The following THAP8 variants were observed in gnomAD, a reference collection of about 807,000 sequenced individuals.
The protein encoded by THAP8 is THAP domain-containing protein 8.
THAP8 carries 24 observed loss-of-function variants against 25.0 expected under a neutral mutation model. That is an observed-to-expected ratio of 0.96 (90% confidence interval 0.69 to 1.35). The LOEUF is 1.35. Ranked by LOEUF, THAP8 falls within the 40% of genes most tolerant of loss-of-function variation. The pLI is 0.00. For synonymous variants in THAP8, 169 were observed against 157.6 expected (o/e 1.07, Z -0.54); for missense variants, 399 against 368.8 (o/e 1.08, Z -0.67).
rs766799036 is a variant in THAP8 at position 36,053,552 on chromosome 19, C to CAA, written c.83+581_83+582dup. 3.8e-3 allele frequency among the ~76,000 whole-genome samples: 225 copies of CAA among 58,832 alleles called. 2 individuals are homozygous for CAA. The highest frequency in any genetic ancestry group is 7.7e-3 in the East Asian group (21 of 2,726). The allele number at this position is 58,832 out of a possible 152,430, so 38.6% of individuals were successfully genotyped here. A position where few individuals can be genotyped will look rare whatever the true frequency, so the allele number is the denominator to read the frequency against. ...CCTGGGCGACAAAGCGATCTTGTCT[C>CAA]AAAAAAAAAAAAAAAAAAAAGCAAA... On this transcript the variant is annotated intron_variant, in intron 1 of 3. Coordinates refer to ENST00000292894, the MANE Select transcript of THAP8 (RefSeq NM_152658.3).
In THAP8 at chr19:36,039,384, A is replaced by G; in HGVS notation, c.611T>C (p.Leu204Pro). The G allele has an allele frequency of 1.3e-6, 2 of 1,541,030 alleles. No homozygotes were observed. The highest frequency in any genetic ancestry group is 1.7e-6 in the Non-Finnish European group (2 of 1,147,264). Residue 204 changes from leucine to proline, a missense_variant, in exon 3 of 4, where the codon CTG (leucine) becomes CCG (proline). Leu to Pro is a moderately conservative substitution (Grantham distance 98). Transcript: ENST00000292894. The stretch of plus-strand genomic sequence containing the variant: ...GCTCTCCCCGTGTAGCTGCTGTGCC[A>G]GCCGTTCCAGGGCCTGCAGCTGCGC... ...HQAQLQALERLAQQLHGESLL... is the reference protein window; with the variant it reads ...HQAQLQALERPAQQLHGESLL...
chr19:36,041,566 A>G (rs1969694526), intron 1 of THAP8, among the ~76,000 whole-genome samples: 2 of 152,142 alleles, frequency 1.3e-5, no homozygotes, highest in Admixed American at 6.6e-5. Flanking sequence ...ATGCTTGAAA[A>G]CACCCACTAA....
At chr19:36,052,507 GTTTT>G (rs1970085112) in intron 1 of THAP8, among the ~76,000 whole-genome samples, 1 of 152,342 alleles carries the variant, frequency 6.6e-6, no homozygotes, top group Middle Eastern at 3.4e-3. Flanking sequence ...ATGGGCCTTT[GTTTT>G]GTGAGGGAGT....
Position 36,054,121 on chromosome 19 carries a change from C to G in THAP8, c.83+14G>C, listed in dbSNP as rs369282368. 3.7e-6 allele frequency: 6 copies of G among 1,611,766 alleles called. No homozygotes were observed. The highest frequency in any genetic ancestry group is 5.1e-6 in the Non-Finnish European group (6 of 1,179,186). On this transcript the variant is annotated intron_variant, in intron 1 of 3. Transcript: ENST00000292894. Reference sequence around the variant, plus strand: ...GTCCCGCCTCCCTCAAGCCCCGCCCCGCGCTGCGCTCACTTGTAGAAGCTC... The same window carrying G: ...GTCCCGCCTCCCTCAAGCCCCGCCCGGCGCTGCGCTCACTTGTAGAAGCTC...
chr19:36,043,795 G>C (rs1969783314), intron 1 of THAP8, among the ~76,000 whole-genome samples: 1 of 152,316 alleles, frequency 6.6e-6, no homozygotes, highest in East Asian at 1.9e-4. Flanking sequence ...GGCTGAGGCA[G>C]AAGAATTACT....
At chr19:36,040,323 C>A (rs1248939718) in intron 1 of THAP8, among the ~76,000 whole-genome samples, 187 bp from the exon 2 acceptor site, 1 of 152,122 alleles carries the variant, frequency 6.6e-6, no homozygotes, top group Non-Finnish European at 1.5e-5. Flanking sequence ...TCAGCTTCAT[C>A]TTTTAGTAGT....
chr19:36,040,765 T>C (rs1432917814), intron 1 of THAP8, among the ~76,000 whole-genome samples: 1 of 152,100 alleles, frequency 6.6e-6, no homozygotes, highest in Non-Finnish European at 1.5e-5. Flanking sequence ...CACTCCCAAT[T>C]TGTTCTTCCA....
intron 1 of THAP8, among the ~76,000 whole-genome samples, chr19:36,048,513 G>C (rs1969949962): frequency 6.6e-6 from 1 of 151,988 alleles, no homozygotes; most frequent in Admixed American, 6.6e-5. Context: ...TTACAGGCGT[G>C]TGCCACCACG....
chr19:36,040,968 T>C (rs899011602), intron 1 of THAP8, among the ~76,000 whole-genome samples: 5 of 151,918 alleles, frequency 3.3e-5, no homozygotes, highest in Admixed American at 2.6e-4. Context: ...AAAAAGACAT[T>C]TTAAGACAAT....
intron 3 of THAP8, among the ~76,000 whole-genome samples, chr19:36,038,883 C>T (rs1969576665): frequency 1.3e-5 from 2 of 152,068 alleles, no homozygotes; most frequent in Admixed American, 6.6e-5. Flanking sequence ...CCTGTAGCTC[C>T]AGCTCAAAGG....
chr19:36,043,266 C>T (rs191208569), intron 1 of THAP8, among the ~76,000 whole-genome samples: 1 of 152,236 alleles, frequency 6.6e-6, no homozygotes, highest in East Asian at 1.9e-4. Flanking sequence ...CATGCAACAA[C>T]ACAGATGAAC....
chr19:36,040,150 TG>T lies in THAP8; in HGVS notation c.84-15del. The stretch of plus-strand genomic sequence containing the variant: ...TTCAGTGGGAACCTGCATGGGTGGT[TG>T]GGGGGCTGGGTCAGTGCTACGAGGT... On this transcript the variant is annotated splice_polypyrimidine_tract_variant and intron_variant, in intron 1 of 3. Coordinates refer to ENST00000292894, the MANE Select transcript of THAP8 (RefSeq NM_152658.3). 1 of 1,594,528 alleles carries T rather than the reference TG, an allele frequency of 6.3e-7. No individual in the cohort carries two copies.
chr19:36,037,059 C>T (rs149363576), intron 3 of THAP8, among the ~76,000 whole-genome samples: 42 of 151,930 alleles, frequency 2.8e-4, no homozygotes, highest in African/African-American at 9.4e-4. Context: ...CTCTCTCATA[C>T]AAGCAGGGCT....
At chr19:36,039,881 G>C in intron 2 of THAP8, 63 bp downstream of exon 2, 1 of 1,605,586 alleles carries the variant, frequency 6.2e-7, no homozygotes, top group Non-Finnish European at 8.5e-7. Context: ...CTCAAGGAGG[G>C]ACTTCCCTTA....
chr19:36,038,712 G>A (rs1243044603), intron 3 of THAP8, among the ~76,000 whole-genome samples: 6 of 152,088 alleles, frequency 3.9e-5, no homozygotes, highest in African/African-American at 7.2e-5. Context: ...TTAGCTGAGC[G>A]TGGTGGCGGG....
intron 3 of THAP8, among the ~76,000 whole-genome samples, chr19:36,036,712 G>A (rs1228887705): frequency 6.6e-6 from 1 of 151,970 alleles, no homozygotes; most frequent in Non-Finnish European, 1.5e-5. Context: ...AGGCCGAGGT[G>A]GGCTGATTAC....
chr19:36,049,859 C>T (rs1214182148), intron 1 of THAP8, among the ~76,000 whole-genome samples: 1 of 152,098 alleles, frequency 6.6e-6, no homozygotes, highest in Non-Finnish European at 1.5e-5. Context: ...TCAAGACCCA[C>T]CTGGCCAACA....
chr19:36,038,671 GA>G (rs969590073), intron 3 of THAP8, among the ~76,000 whole-genome samples: 17 of 152,270 alleles, frequency 1.1e-4, no homozygotes, highest in African/African-American at 3.4e-4. Context: ...CTAACACGGT[GA>G]AACCCTGTCT....
chr19:36,040,099 G>A lies in THAP8; in HGVS notation c.121C>T (p.Leu41=). 6.2e-7 allele frequency: 1 copy of A among 1,612,270 alleles called. No homozygotes were observed. The highest frequency in any genetic ancestry group is 8.5e-7 in the Non-Finnish European group (1 of 1,178,982). ...LKDGPRLQAW[L]QHMGCEHWVP... is the part of the protein sequence containing the mutation. ...CAGTGCTCACAGCCCATGTGCTGCA[G>A]CCAGGCCTGCAGCCGGGGACCATCC... is the stretch of plus-strand genomic sequence containing the variant. Residue 41 remains leucine, a synonymous_variant, in exon 2 of 4, where the codon CTG becomes TTG. Coordinates refer to ENST00000292894, the MANE Select transcript of THAP8 (RefSeq NM_152658.3).
Sources: allele counts gnomAD v4.1 joint callset (sites outside exome capture counted in the v4.1 genomes callset), GRCh38; gene constraint gnomAD v4.1.1; transcripts MANE v1.5; gene names NCBI Gene and HGNC (gene_info 2026-07-23, HGNC 2026-07-21).